GNL1: variants seen among roughly 807,000 people sequenced by gnomAD.
GNL1 encodes the protein G protein nucleolar 1.
GNL1 carries 21 observed loss-of-function variants against 75.2 expected under a neutral mutation model. The ratio of observed to expected loss-of-function variants is 0.28; its 90% CI spans 0.20 to 0.40. GNL1 has a LOEUF of 0.40. Ranked by LOEUF, GNL1 falls within the 10% of genes least tolerant of loss-of-function variation. The probability of loss-of-function intolerance (pLI) is 1.00; values close to 1 mark genes in which losing one functional copy is unlikely to be tolerated. For missense variants in GNL1, 579 were observed against 775.0 expected (o/e 0.75, Z 3.00); for synonymous variants, 287 against 303.4 (o/e 0.95, Z 0.56).
chr6:30,547,587 G>A lies in GNL1; in HGVS notation c.1100-57C>T. The A allele has an allele frequency of 7.0e-7, 1 of 1,423,130 alleles. No homozygotes were observed. The highest frequency in any genetic ancestry group is 9.9e-7 in the Non-Finnish European group (1 of 1,014,342). 88.2% of individuals were successfully genotyped at this position (1,423,130 alleles called of 1,614,324 possible). Reference sequence around the variant, plus strand: ...AGGTTTCTACTCTGTGATGGGACTTGGTGCTATACCTATAGGTAAAAGGGG... The same window carrying A: ...AGGTTTCTACTCTGTGATGGGACTTAGTGCTATACCTATAGGTAAAAGGGG... On this transcript the variant is annotated intron_variant, in intron 8 of 11. Coordinates refer to ENST00000376621, the MANE Select transcript of GNL1 (RefSeq NM_005275.5). This position sits in a 1 kb window ranked among gnomAD's most constrained non-coding sequence, Gnocchi z 5.5.
At position 30,552,130 on chromosome 6, in the gene GNL1, C is replaced by G. The variant is rs1799821620; in HGVS notation, c.1099+337G>C. On this transcript the variant is annotated intron_variant, in intron 8 of 11. Coordinates refer to ENST00000376621, the MANE Select transcript of GNL1 (RefSeq NM_005275.5). This position sits in a 1 kb window ranked among gnomAD's most constrained non-coding sequence, Gnocchi z 4.5. ...CCTCCCACCTCAGCCTCCCAAAGCGCTGGGACTATATAGGCATGAGCCCTC... is the reference window on the plus strand; with the variant it reads ...CCTCCCACCTCAGCCTCCCAAAGCGGTGGGACTATATAGGCATGAGCCCTC... 1 of 281,822 alleles carries G rather than the reference C, an allele frequency of 3.5e-6. No homozygotes were observed. Among genetic ancestry groups the G allele is most frequent in the Non-Finnish European group, 6.6e-6 (1 of 150,980 alleles). 17.5% of individuals were successfully genotyped at this position (281,822 alleles called of 1,614,324 possible).
rs376823821 is a variant in GNL1, at chr6:30,547,203, T to G, written c.1350A>C (p.Arg450=). The change falls in exon 10 of 12, where the codon CGA becomes CGC. Residue 450 remains arginine, a synonymous_variant. Transcript: ENST00000376621. The surrounding 1 kb of genome is among the most constrained non-coding windows in gnomAD (Gnocchi z 5.5). ...GGTGGAGCAGGGCCTGCACGGGAAT[T>G]CGGGAGGCCAGGTAGCCCACAGCAG... is the stretch of plus-strand genomic sequence containing the variant. ...PYTAVGYLAS[R]IPVQALLHLR... 2.5e-6 allele frequency: 4 copies of G among 1,613,130 alleles called. No individual in the cohort carries two copies. The highest frequency in any genetic ancestry group is 2.7e-5 in the African/African-American group (2 of 74,904).
At chr6:30,549,909 T>A (rs2516639) in intron 8 of GNL1, among the ~76,000 whole-genome samples, 2 of 150,352 alleles carry the variant, frequency 1.3e-5, no homozygotes, top group African/African-American at 4.9e-5. Context: ...CCGTAACCTC[T>A]GCCTCCAGGA....
At position 30,547,214 on chromosome 6, in the gene GNL1, G is replaced by A. The variant is rs370550717; in HGVS notation, c.1339C>T (p.Leu447=). Residue 447 remains leucine (L), a synonymous_variant, in exon 10 of 12, where the codon CTG becomes TTG. Transcript: ENST00000376621. This position sits in a 1 kb window ranked among gnomAD's most constrained non-coding sequence, Gnocchi z 5.5. ...GCCTGCACGGGAATTCGGGAGGCCA[G>A]GTAGCCCACAGCAGTGTAGGGCTCC... is the stretch of plus-strand genomic sequence containing the variant. ...IQEPYTAVGY[L]ASRIPVQALL... 13 of 1,613,138 alleles carry A rather than the reference G, an allele frequency of 8.1e-6. No individual in the cohort carries two copies. In the African/African-American group the frequency reaches 1.7e-4, roughly 22 times the overall value.
chr6:30,554,687 C>T (rs2127380100), intron 4 of GNL1, 41 bp from the exon 5 acceptor site: 1 of 1,586,960 alleles, frequency 6.3e-7, no homozygotes, highest in South Asian at 1.1e-5. Context: ...AAAACAGAGT[C>T]CCTCTCCAGC....
At position 30,544,833 on chromosome 6, in the gene GNL1, G is replaced by T. The variant is rs1166581117; in HGVS notation, c.*1239C>A. On this transcript the variant is annotated 3_prime_UTR_variant, in exon 12 of 12. Transcript: ENST00000376621. ...AAAGGATCTGCTTTAGAGAAAAAAG[G>T]AGTCTGGTACTTCTCACTCCATCTA... 1 of 152,140 alleles carries T rather than the reference G, an allele frequency of 6.6e-6. No homozygotes were observed. Among genetic ancestry groups the T allele is most frequent in the East Asian group, 1.9e-4 (1 of 5,202 alleles). 9.4% of individuals were successfully genotyped at this position (152,140 alleles called of 1,614,324 possible). A position where few individuals can be genotyped will look rare whatever the true frequency, so the allele number is the denominator to read the frequency against.
chr6:30,555,084 T>C lies in GNL1; in HGVS notation c.347A>G (p.Asp116Gly). The C allele has an allele frequency of 1.2e-6, 2 of 1,613,016 alleles. No homozygotes were observed. Among genetic ancestry groups the C allele is most frequent in the Non-Finnish European group, 1.7e-6 (2 of 1,180,012 alleles). ...QPVSAELLEL[D>G]IREVYQPGSV... The stretch of plus-strand genomic sequence containing the variant: ...GCCAGGCTGATACACCTCCCGGATG[T>C]CCAGCTCCAACAACTCAGCACTGAC... Residue 116 changes from aspartate to glycine, a missense_variant, in exon 3 of 12, where the codon GAC becomes GGC. Asp to Gly is a moderately conservative substitution (Grantham distance 94, BLOSUM62 -1). Coordinates refer to ENST00000376621, the MANE Select transcript of GNL1 (RefSeq NM_005275.5). The surrounding 1 kb of genome is among the most constrained non-coding windows in gnomAD (Gnocchi z 4.3).
In GNL1 at chr6:30,555,129, C is replaced by T. The variant is rs763705994; in HGVS notation, c.302G>A (p.Arg101Gln). The part of the protein sequence containing the change: ...EEVERRKRAA[R>Q]EQVLQPVSAE... ...ACTGACCGGCTGTAGAACTTGCTCC[C>T]GGGCTGCTCTCTTTCTCCTCTCTAC... The change falls in exon 3 of 12, where the codon CGG becomes CAG. Residue 101 changes from arginine to glutamine, a missense_variant. Arg to Gln is a conservative substitution (Grantham distance 43). Transcript: ENST00000376621. This position sits in a 1 kb window ranked among gnomAD's most constrained non-coding sequence, Gnocchi z 4.3. 6.2e-7 allele frequency: 1 copy of T among 1,613,038 alleles called. No individual in the cohort carries two copies. Among genetic ancestry groups the T allele is most frequent in the Non-Finnish European group, 8.5e-7 (1 of 1,180,004 alleles).
chr6:30,553,759 T>C (rs564871992), intron 5 of GNL1, among the ~76,000 whole-genome samples: 2 of 152,166 alleles, frequency 1.3e-5, no homozygotes, highest in Admixed American at 6.5e-5. Context: ...GGGCTTCCTA[T>C]AGGTCATGAT....
At position 30,555,650 on chromosome 6, in the gene GNL1, G is replaced by T; in HGVS notation, c.144C>A (p.Thr48=). Residue 48 remains threonine (T), a synonymous_variant, in exon 2 of 12, where the codon ACC becomes ACA. Transcript: ENST00000376621. The surrounding 1 kb of genome is among the most constrained non-coding windows in gnomAD (Gnocchi z 4.3). ...SGSRERREEQ[T]DTSDGESVTH... ...TCACAGACTCCCCGTCCGAGGTGTC[G>T]GTCTGTTCCTCTCGCCGCTCCCGGC... 1 of 1,613,966 alleles carries T rather than the reference G, an allele frequency of 6.2e-7. No homozygotes were observed. The highest frequency in any genetic ancestry group is 8.5e-7 in the Non-Finnish European group (1 of 1,179,924).
chr6:30,552,690 G>A lies in GNL1; in HGVS notation c.905-29C>T. ...CTCAAAGAAGGAGAAGATTAAAGAG[G>A]TTCTCCCCAGGGCTGCTGTGCATGA... On this transcript the variant is annotated intron_variant, in intron 7 of 11. Transcript: ENST00000376621. This position sits in a 1 kb window ranked among gnomAD's most constrained non-coding sequence, Gnocchi z 4.5. The A allele has an allele frequency of 1.9e-6, 3 of 1,589,902 alleles. No homozygotes were observed. The highest frequency in any genetic ancestry group is 2.6e-6 in the Non-Finnish European group (3 of 1,162,760).
rs550063818 is a variant in GNL1 at position 30,554,844 on chromosome 6, G to C, written c.448C>G (p.Arg150Gly). The change falls in exon 4 of 12, where the codon CGG becomes GGG. Residue 150 changes from arginine to glycine, a missense_variant. Physicochemically the swap from Arg to Gly is moderately radical, Grantham distance 125 (BLOSUM62 -2). Transcript: ENST00000376621. ...SKEQLMSQEE[R>G]SFQDYLGKIH... ...TTCCCAAGATAGTCTTGGAAGCTCC[G>C]TTCCTCTTGGCTCATTAGTTGCTCC... The C allele has an allele frequency of 2.5e-6, 4 of 1,612,052 alleles. No individual in the cohort carries two copies. Among genetic ancestry groups the C allele is most frequent in the Admixed American group, 1.7e-5 (1 of 60,020 alleles).
chr6:30,549,209 G>C (rs1799624832), intron 8 of GNL1, among the ~76,000 whole-genome samples: 1 of 152,060 alleles, frequency 6.6e-6, no homozygotes, highest in African/African-American at 2.4e-5. Flanking sequence ...ATGTTGGCCA[G>C]GCTGGTCTCA....
Position 30,552,649 on chromosome 6 carries a change from C to G in GNL1, c.917G>C (p.Ser306Thr), listed in dbSNP as rs755802323. 5.0e-6 allele frequency: 8 copies of G among 1,613,228 alleles called. No homozygotes were observed. The South Asian group carries it at 7.7e-5, about 16-fold the overall frequency. The change falls in exon 8 of 12, where the codon AGC becomes ACC. Residue 306 changes from serine (S) to threonine (T), a missense_variant. By Grantham distance (58) the Ser-to-Thr change is moderately conservative. Coordinates refer to ENST00000376621, the MANE Select transcript of GNL1 (RefSeq NM_005275.5). This position sits in a 1 kb window ranked among gnomAD's most constrained non-coding sequence, Gnocchi z 4.5. ...AITVGKVDLS[S>T]WREKIARDVA... ...ATCCCGAGCAATCTTCTCCCGCCAG[C>G]TGCTCAAGTCCACTGCTCAAAGAAG...
In GNL1 at chr6:30,552,451, G is replaced by A; in HGVS notation, c.1099+16C>T. 2 of 1,603,134 alleles carry A rather than the reference G, an allele frequency of 1.2e-6. No homozygotes were observed. The highest frequency in any genetic ancestry group is 1.7e-6 in the Non-Finnish European group (2 of 1,172,008). On this transcript the variant is annotated intron_variant, in intron 8 of 11. Coordinates refer to ENST00000376621, the MANE Select transcript of GNL1 (RefSeq NM_005275.5). This position sits in a 1 kb window ranked among gnomAD's most constrained non-coding sequence, Gnocchi z 4.5. Reference sequence around the variant, plus strand: ...CCTCCTTGGAGGCCACCACGCACAAGCTGCCACTTCCTTACCCACACAGCC... The same window carrying A: ...CCTCCTTGGAGGCCACCACGCACAAACTGCCACTTCCTTACCCACACAGCC...
chr6:30,555,667 G>C lies in GNL1; in HGVS notation c.127C>G (p.Arg43Gly). 1.2e-6 allele frequency: 2 copies of C among 1,613,880 alleles called. No homozygotes were observed. The highest frequency in any genetic ancestry group is 1.7e-6 in the Non-Finnish European group (2 of 1,179,954). Residue 43 changes from arginine to glycine, a missense_variant, in exon 2 of 12, where the codon CGG becomes GGG. By Grantham distance (125) the Arg-to-Gly change is moderately radical (BLOSUM62 -2). Coordinates refer to ENST00000376621, the MANE Select transcript of GNL1 (RefSeq NM_005275.5). The surrounding 1 kb of genome is among the most constrained non-coding windows in gnomAD (Gnocchi z 4.3). ...GAGGTGTCGGTCTGTTCCTCTCGCC[G>C]CTCCCGGCTCCCGCTGCGGCTGTTG... ...SSNSRSGSRERREEQTDTSDG... is the reference protein window; with the variant it reads ...SSNSRSGSREGREEQTDTSDG...
In GNL1 at chr6:30,552,712, A is replaced by G; in HGVS notation, c.905-51T>C. On this transcript the variant is annotated intron_variant, in intron 7 of 11. Coordinates refer to ENST00000376621, the MANE Select transcript of GNL1 (RefSeq NM_005275.5). The surrounding 1 kb of genome is among the most constrained non-coding windows in gnomAD (Gnocchi z 4.5). ...GAGGTTCTCCCCAGGGCTGCTGTGCATGATGGCACATACTGTGCCCTGCAC... is the reference window on the plus strand; with the variant it reads ...GAGGTTCTCCCCAGGGCTGCTGTGCGTGATGGCACATACTGTGCCCTGCAC... 1 of 1,507,868 alleles carries G rather than the reference A, an allele frequency of 6.6e-7. No individual in the cohort carries two copies. Among genetic ancestry groups the G allele is most frequent in the Non-Finnish European group, 9.1e-7 (1 of 1,097,002 alleles). 93.4% of individuals were successfully genotyped at this position (1,507,868 alleles called of 1,614,324 possible).
At position 30,546,920 on chromosome 6, in the gene GNL1, GT is replaced by G; in HGVS notation, c.1442-85del. The G allele has an allele frequency of 7.7e-7, 1 of 1,297,080 alleles. No individual in the cohort carries two copies. The highest frequency in any genetic ancestry group is 1.1e-6 in the Non-Finnish European group (1 of 920,562). 80.3% of individuals were successfully genotyped at this position (1,297,080 alleles called of 1,614,324 possible). ...CCACTCCCATAACACAGTCCTTCCA[GT>G]TTTCCCCAAAACATTCCAGGCCAGA... On this transcript the variant is annotated intron_variant, in intron 10 of 11. Transcript: ENST00000376621. The surrounding 1 kb of genome is among the most constrained non-coding windows in gnomAD (Gnocchi z 5.1).
intron 5 of GNL1, 91 bp downstream of exon 5, chr6:30,554,484 T>C: frequency 1.3e-6 from 1 of 795,484 alleles, no homozygotes; most frequent in East Asian, 2.4e-5. Context: ...GGAAGATAGA[T>C]ACCTCTCTGT....
Sources: allele counts gnomAD v4.1 joint callset (sites outside exome capture counted in the v4.1 genomes callset), GRCh38; gene constraint gnomAD v4.1.1; non-coding constraint Gnocchi (gnomAD v3.1); transcripts MANE v1.5; gene names NCBI Gene and HGNC (gene_info 2026-07-23, HGNC 2026-07-21).